Variants in SOAT1 observed in about 807,000 individuals in gnomAD.
The protein encoded by SOAT1 is sterol O-acyltransferase 1.
A neutral mutation model predicts 69.5 loss-of-function variants in SOAT1; 55 were observed. The ratio of observed to expected loss-of-function variants is 0.79; its 90% confidence interval spans 0.64 to 0.99. The LOEUF is 0.99. Among genes scored for constraint, SOAT1 ranks in the 50% least tolerant of loss-of-function variants. SOAT1 has a pLI of 0.00. For missense variants in SOAT1, 580 were observed against 669.3 expected (o/e 0.87, Z 1.47); for synonymous variants, 231 against 224.7 (o/e 1.03, Z -0.25).
At chr1:179,317,104 C>T (rs536196809) in intron 2 of SOAT1, among the ~76,000 whole-genome samples, 160 of 152,252 alleles carry the variant, frequency 1.1e-3, no homozygotes, top group Non-Finnish European at 1.8e-3. Context: ...AAATATGCCT[C>T]CAAAGTTCAT....
intron 3 of SOAT1, among the ~76,000 whole-genome samples, chr1:179,329,613 C>T (rs752474421): frequency 1.0e-4 from 15 of 150,330 alleles, no homozygotes; most frequent in Non-Finnish European, 1.5e-5. Flanking sequence ...CCCAAGTACT[C>T]TGGAAGCAGG....
intron 1 of SOAT1, 32 bp from the exon 2 acceptor site, chr1:179,302,645 A>C: frequency 2.1e-6 from 3 of 1,423,508 alleles, no homozygotes; most frequent in Non-Finnish European, 2.9e-6. Flanking sequence ...AAAACGGACT[A>C]ATACGAAAGC....
chr1:179,320,167 C>G (rs934545132), intron 2 of SOAT1, among the ~76,000 whole-genome samples: 2 of 151,938 alleles, frequency 1.3e-5, no homozygotes, highest in Non-Finnish European at 2.9e-5. Flanking sequence ...CTGTTTTCTT[C>G]TATATTTTTA....
intron 2 of SOAT1, among the ~76,000 whole-genome samples, chr1:179,315,778 T>C (rs944783168): frequency 1.3e-5 from 2 of 152,184 alleles, no homozygotes; most frequent in African/African-American, 2.4e-5. Flanking sequence ...CAGATTCTTT[T>C]TGGAAGGGAT....
chr1:179,308,648 G>A (rs1482956270), intron 2 of SOAT1, among the ~76,000 whole-genome samples: 1 of 149,072 alleles, frequency 6.7e-6, no homozygotes, highest in African/African-American at 2.5e-5. Context: ...CTCTAGCCTG[G>A]GTGACAGAGT....
In SOAT1 at chr1:179,337,884, GCT is replaced by G; in HGVS notation, c.384_385del (p.Leu129ArgfsTer2). The stretch of plus-strand genomic sequence containing the variant: ...CAAGGAAAGATTTTTATTGCAAGGC[GCT>G]CTCTCTTAGAGTGAGTATTTTTAGT... On this transcript the variant is annotated frameshift_variant, in exon 5 of 16. Coordinates refer to ENST00000367619, the MANE Select transcript of SOAT1 (RefSeq NM_003101.6). LOFTEE classifies it high-confidence loss of function. 2 of 1,607,768 alleles carry G rather than the reference GCT, an allele frequency of 1.2e-6. No individual in the cohort carries two copies. Among genetic ancestry groups the G allele is most frequent in the Non-Finnish European group, 8.5e-7 (1 of 1,176,592 alleles).
chr1:179,348,902 A>G lies in SOAT1; in HGVS notation c.1274A>G (p.His425Arg). 1 of 1,610,806 alleles carries G rather than the reference A, an allele frequency of 6.2e-7. No individual in the cohort carries two copies. Among genetic ancestry groups the G allele is most frequent in the Non-Finnish European group, 8.5e-7 (1 of 1,177,202 alleles). Residue 425 changes from histidine (H) to arginine (R), a missense_variant, in exon 13 of 16, where the codon CAT becomes CGT. Coordinates refer to ENST00000367619, the MANE Select transcript of SOAT1 (RefSeq NM_003101.6). ...TATAGAACCTGGAATGTGGTGGTCC[A>G]TGACTGGCTATATTACTATGCTTAC... is the stretch of plus-strand genomic sequence containing the variant. ...NYYRTWNVVV[H>R]DWLYYYAYKD...
intron 3 of SOAT1, among the ~76,000 whole-genome samples, chr1:179,328,682 G>A (rs1665867120): frequency 6.6e-6 from 1 of 152,006 alleles, no homozygotes; most frequent in African/African-American, 2.4e-5. Flanking sequence ...ACTTTATAGA[G>A]GGAATGTTAG....
chr1:179,345,619 T>G (rs1666503863), intron 11 of SOAT1, among the ~76,000 whole-genome samples: 1 of 152,002 alleles, frequency 6.6e-6, no homozygotes, highest in South Asian at 2.1e-4. Context: ...CTGAATGCAG[T>G]GGTGTCATCA....
Position 179,358,368 on chromosome 1 carries a change from C to T in SOAT1, c.*4727C>T, listed in dbSNP as rs890934542. The T allele has an allele frequency of 6.6e-6, 1 of 152,154 alleles. No homozygotes were observed. The highest frequency in any genetic ancestry group is 2.4e-5 in the African/African-American group (1 of 41,432). 9.4% of individuals were successfully genotyped at this position (152,154 alleles called of 1,614,324 possible). A position where few individuals can be genotyped will look rare whatever the true frequency, so the allele number is the denominator to read the frequency against. ...GTGATAAACTTTAAGCTAGTAGATA[C>T]TGCACCATGTCTTGTGGTGGTGTTT... On this transcript the variant is annotated 3_prime_UTR_variant, in exon 16 of 16. Transcript: ENST00000367619.
At chr1:179,295,613 A>G (rs1250502890) in intron 1 of SOAT1, among the ~76,000 whole-genome samples, 1 of 152,220 alleles carries the variant, frequency 6.6e-6, no homozygotes, top group Non-Finnish European at 1.5e-5. Flanking sequence ...AGTTTCAGCT[A>G]CCTGAGGTGC....
chr1:179,344,145 T>A (rs1433742892), intron 10 of SOAT1, among the ~76,000 whole-genome samples: 1 of 152,004 alleles, frequency 6.6e-6, no homozygotes, highest in Non-Finnish European at 1.5e-5. Context: ...GTATTATTTA[T>A]AAAGTAATTC....
At chr1:179,306,723 T>C (rs1665016884) in intron 2 of SOAT1, among the ~76,000 whole-genome samples, 1 of 147,424 alleles carries the variant, frequency 6.8e-6, no homozygotes, top group Non-Finnish European at 1.5e-5. Flanking sequence ...TCCCAGCTAC[T>C]GGGAGGCTGA....
intron 3 of SOAT1, among the ~76,000 whole-genome samples, chr1:179,333,010 A>T (rs1666022330): frequency 6.6e-6 from 1 of 152,234 alleles, no homozygotes; most frequent in Non-Finnish European, 1.5e-5. Flanking sequence ...GGAGAAGGGC[A>T]TTAGGAAATG....
At chr1:179,349,295 T>C (rs191123321) in intron 13 of SOAT1, among the ~76,000 whole-genome samples, 1 of 152,098 alleles carries the variant, frequency 6.6e-6, no homozygotes, top group Non-Finnish European at 1.5e-5. Flanking sequence ...TTGGTCTTTT[T>C]CATTCGTTTT....
intron 3 of SOAT1, among the ~76,000 whole-genome samples, chr1:179,332,996 A>C (rs1363288412): frequency 2.0e-5 from 3 of 152,198 alleles, no homozygotes; most frequent in Non-Finnish European, 2.9e-5. Context: ...TCCTCAGAGA[A>C]AGAGGAGAAG....
intron 1 of SOAT1, among the ~76,000 whole-genome samples, chr1:179,296,174 G>T (rs1664633292): frequency 6.6e-6 from 1 of 151,838 alleles, no homozygotes; most frequent in Non-Finnish European, 1.5e-5. Flanking sequence ...TCACTGTGTT[G>T]GCCAGACTGG....
chr1:179,319,951 T>C, intron 2 of SOAT1, among the ~76,000 whole-genome samples: 1 of 152,140 alleles, frequency 6.6e-6, no homozygotes, highest in East Asian at 1.9e-4. Flanking sequence ...TAAGAGTTCT[T>C]TATGTATTCT....
chr1:179,294,830 G>C (rs1437173934), intron 1 of SOAT1, among the ~76,000 whole-genome samples: 2 of 152,208 alleles, frequency 1.3e-5, no homozygotes, highest in Non-Finnish European at 2.9e-5. Context: ...ACCGCGCCTG[G>C]CCTGTTGGTC....
Sources: allele counts gnomAD v4.1 joint callset (sites outside exome capture counted in the v4.1 genomes callset), GRCh38; gene constraint gnomAD v4.1.1; transcripts MANE v1.5; gene names NCBI Gene and HGNC (gene_info 2026-07-23, HGNC 2026-07-21).